The following ASPH variants were observed in gnomAD, a reference collection of about 807,000 sequenced individuals.
ASPH encodes aspartate beta-hydroxylase.
A neutral mutation model predicts 118.4 loss-of-function variants in ASPH; 100 were observed. That is an observed-to-expected ratio of 0.84 (90% CI 0.72 to 1.00). The LOEUF is 1.00. Among genes scored for constraint, ASPH ranks in the 50% least tolerant of loss-of-function variants. The pLI is 0.00. For synonymous variants in ASPH, 315 were observed against 325.6 expected, an observed-to-expected ratio of 0.97 and a Z score of 0.35; for missense variants, 920 against 919.5, an observed-to-expected ratio of 1.00 and a Z score of -0.01.
At chr8:61,621,633 C>A (rs865815358) in intron 13 of ASPH, among the ~76,000 whole-genome samples, 1 of 152,310 alleles carries the variant, frequency 6.6e-6, no homozygotes, top group Middle Eastern at 3.4e-3. Flanking sequence ...TCTCATCATT[C>A]ATAGGAGGTA....
intron 1 of ASPH, among the ~76,000 whole-genome samples, chr8:61,711,784 C>T (rs1043624082): frequency 6.6e-6 from 1 of 152,194 alleles, no homozygotes; most frequent in African/African-American, 2.4e-5. Flanking sequence ...CATTTTCTGA[C>T]TCTCAATGTA....
At chr8:61,576,995 G>T in intron 15 of ASPH, 137 bp from the exon 16 acceptor site, 1 of 665,146 alleles carries the variant, frequency 1.5e-6, no homozygotes, top group African/African-American at 1.8e-5. Flanking sequence ...TTTTATCTAA[G>T]ATTTTAAAAA....
At chr8:61,710,345 T>C (rs959727294) in intron 1 of ASPH, among the ~76,000 whole-genome samples, 1 of 152,180 alleles carries the variant, frequency 6.6e-6, no homozygotes, top group Non-Finnish European at 1.5e-5. Flanking sequence ...GCTAAGTATC[T>C]GATATTAACT....
chr8:61,640,390 C>T (rs968033862), intron 10 of ASPH, among the ~76,000 whole-genome samples: 1 of 152,204 alleles, frequency 6.6e-6, no homozygotes, highest in Non-Finnish European at 1.5e-5. Flanking sequence ...ATCTTGCTCA[C>T]AGGCATCCTC....
At chr8:61,582,032 C>T (rs1837727618) in intron 15 of ASPH, among the ~76,000 whole-genome samples, 4 of 152,148 alleles carry the variant, frequency 2.6e-5, no homozygotes, top group Non-Finnish European at 5.9e-5. Context: ...GTTAGTTGGC[C>T]TCGGCTGGTC....
At chr8:61,582,328 T>A (rs1563910049) in intron 15 of ASPH, among the ~76,000 whole-genome samples, 1 of 151,998 alleles carries the variant, frequency 6.6e-6, no homozygotes, top group Non-Finnish European at 1.5e-5. Flanking sequence ...GCTGCTCATA[T>A]GTTTTTTACA....
intron 1 of ASPH, among the ~76,000 whole-genome samples, chr8:61,713,551 T>C (rs1399671881): frequency 2.0e-5 from 3 of 152,204 alleles, no homozygotes; most frequent in Non-Finnish European, 2.9e-5. Context: ...CAAGAATCAC[T>C]GAAATATGAG....
chr8:61,704,544 AAAAT>A (rs1003196605), intron 1 of ASPH, among the ~76,000 whole-genome samples: 5 of 152,102 alleles, frequency 3.3e-5, no homozygotes, highest in African/African-American at 1.2e-4. Context: ...TAAAAATAAA[AAAAT>A]AAAAAGGTAA....
chr8:61,633,738 T>C lies in ASPH; in HGVS notation c.890-11A>G. ...GAAAAATGCTTACTTCTAAAATAAA[T>C]AATAAAGTTATAATCTGTTACATAT... On this transcript the variant is annotated splice_polypyrimidine_tract_variant and intron_variant, in intron 12 of 24. Coordinates refer to ENST00000379454, the MANE Select transcript of ASPH (RefSeq NM_004318.4). 2 of 1,583,226 alleles carry C rather than the reference T, an allele frequency of 1.3e-6. No individual in the cohort carries two copies. The highest frequency in any genetic ancestry group is 2.3e-5 in the South Asian group (2 of 86,536).
chr8:61,615,642 T>C (rs989298318), intron 14 of ASPH, among the ~76,000 whole-genome samples: 4 of 152,228 alleles, frequency 2.6e-5, no homozygotes, highest in African/African-American at 7.2e-5. Context: ...GATTATTTTG[T>C]AGTTCACACA....
chr8:61,604,396 T>C (rs753043740), intron 14 of ASPH, among the ~76,000 whole-genome samples: 3 of 152,108 alleles, frequency 2.0e-5, no homozygotes, highest in Non-Finnish European at 2.9e-5. Context: ...CTCAGGAAAA[T>C]TTAGATTTGA....
chr8:61,582,740 A>G (rs1010902743), intron 15 of ASPH, among the ~76,000 whole-genome samples: 1 of 152,228 alleles, frequency 6.6e-6, no homozygotes, highest in Non-Finnish European at 1.5e-5. Flanking sequence ...GTTCCTAACC[A>G]GTGTTTTTAT....
intron 21 of ASPH, among the ~76,000 whole-genome samples, chr8:61,541,027 A>C (rs1821698831): frequency 6.6e-6 from 1 of 152,160 alleles, no homozygotes; most frequent in Admixed American, 6.5e-5. Context: ...TGGAAGGCCG[A>C]GGTGGGCGGA....
chr8:61,646,864 A>G lies in ASPH; in HGVS notation c.505T>C (p.Leu169=). 6.2e-7 allele frequency: 1 copy of G among 1,613,858 alleles called. No individual in the cohort carries two copies. ...VHAEHVEGED[L]QQEDGPTGEP... ...CCTGTGGGTCCATCTTCTTGTTGCA[A>G]GTCTTCTCCCTCAACTATGACAATG... Residue 169 remains leucine, a synonymous_variant, in exon 6 of 25, where the codon TTG becomes CTG. Transcript: ENST00000379454.
chr8:61,532,002 G>C (rs1817756191), intron 21 of ASPH, among the ~76,000 whole-genome samples: 1 of 152,140 alleles, frequency 6.6e-6, no homozygotes, highest in Admixed American at 6.5e-5. Context: ...ATAAACACGG[G>C]GGTGCAGATA....
intron 21 of ASPH, among the ~76,000 whole-genome samples, chr8:61,540,623 A>G (rs1468217103): frequency 6.6e-6 from 1 of 152,230 alleles, no homozygotes; most frequent in African/African-American, 2.4e-5. Flanking sequence ...ATTTCTTTAT[A>G]GCGATGCAAG....
intron 15 of ASPH, 108 bp from the exon 16 acceptor site, chr8:61,576,966 A>C (rs960230464): frequency 1.1e-6 from 1 of 920,462 alleles, no homozygotes; most frequent in Non-Finnish European, 1.6e-6. Context: ...CCTAGATTCC[A>C]TCCTGAGTGT....
chr8:61,635,392 G>A (rs1485168066), intron 12 of ASPH, among the ~76,000 whole-genome samples: 3 of 151,878 alleles, frequency 2.0e-5, no homozygotes, highest in Non-Finnish European at 4.4e-5. Context: ...CCATCTCTAC[G>A]ACAATGGCTC....
At chr8:61,670,076 A>G (rs896527543) in intron 3 of ASPH, among the ~76,000 whole-genome samples, 1 of 152,116 alleles carries the variant, frequency 6.6e-6, no homozygotes, top group Non-Finnish European at 1.5e-5. Context: ...TAATTTTTCA[A>G]TATTTTTGAC....
Sources: gnomAD v4.1 joint callset for allele counts (sites outside exome capture counted in the v4.1 genomes callset) on GRCh38, gnomAD v4.1.1 for gene constraint, MANE v1.5 for transcripts, NCBI Gene and HGNC (gene_info 2026-07-23, HGNC 2026-07-21) for gene names.